Variants in KMT2C observed in about 807,000 individuals in gnomAD.
KMT2C encodes histone-lysine N-methyltransferase 2C.
A neutral mutation model predicts 507.9 loss-of-function variants in KMT2C; 88 were observed. The observed-to-expected ratio is 0.17, with a 90% confidence interval of 0.15 to 0.21. KMT2C has a LOEUF of 0.21. Among genes scored for constraint, KMT2C ranks in the 10% least tolerant of loss-of-function variants. The pLI, the probability that KMT2C is intolerant of heterozygous loss-of-function variation, is 1.00. For missense variants in KMT2C, 4,954 were observed against 5,957.8 expected (o/e 0.83, Z 5.55); for synonymous variants, 2,049 against 2,080.8 (o/e 0.98, Z 0.42).
chr7:152,250,876 G>T lies in KMT2C; in HGVS notation c.1712C>A (p.Ser571Tyr). Residue 571 changes from serine to tyrosine, a missense_variant, in exon 12 of 59, where the codon TCC becomes TAC. By Grantham distance (144) the Ser-to-Tyr change is moderately radical (BLOSUM62 -2). Around this residue, in one of 29 missense-constraint regions of KMT2C, gnomAD observed 376 missense variants for 352.4 expected, o/e 1.07. Transcript: ENST00000262189. ...AANKDVNGQE[S>Y]TPGIVPDAVQ... is the part of the protein sequence containing the mutation. The stretch of plus-strand genomic sequence containing the variant: ...ACCATCTGGAACAATTCCAGGAGTG[G>T]ACTCCTGACCGTTGACATCTTTATT... 2 of 1,592,736 alleles carry T rather than the reference G, an allele frequency of 1.3e-6. No individual in the cohort carries two copies. The highest frequency in any genetic ancestry group is 1.7e-6 in the Non-Finnish European group (2 of 1,160,670).
chr7:152,181,764 T>A lies in KMT2C; in HGVS notation c.6096A>T (p.Thr2032=), dbSNP rs2129120308. 6.2e-7 allele frequency: 1 copy of A among 1,614,086 alleles called. No homozygotes were observed. The highest frequency in any genetic ancestry group is 8.5e-7 in the Non-Finnish European group (1 of 1,179,998). The stretch of plus-strand genomic sequence containing the variant: ...CAGGACCACTATCAAGAGGTGCAGG[T>A]GTCAACAAGGGTCGTGCATATGAGT... ...IPDSYARPLL[T]PAPLDSGPGP... is the part of the protein sequence containing the mutation. Residue 2032 remains threonine, a synonymous_variant, in exon 36 of 59, where the codon ACA becomes ACT. Coordinates refer to ENST00000262189, the MANE Select transcript of KMT2C (RefSeq NM_170606.3).
In KMT2C at chr7:152,281,609, G is replaced by T. The variant is rs78385382; in HGVS notation, c.850-7742C>A. On this transcript the variant is annotated intron_variant, in intron 6 of 58. Coordinates refer to ENST00000262189, the MANE Select transcript of KMT2C (RefSeq NM_170606.3). ...TAGCTGGGCCTGGTGGCAGGCGCCT[G>T]TAATCCCAGCTACTTGGAAGGCTGA... Among the ~76,000 whole-genome samples, 7 of 149,750 alleles carry T rather than the reference G, an allele frequency of 4.7e-5. No homozygotes were observed. The East Asian group carries it at 6.0e-4, about 13-fold the overall frequency.
chr7:152,428,085 T>C (rs1322486585), intron 1 of KMT2C, among the ~76,000 whole-genome samples: 1 of 152,196 alleles, frequency 6.6e-6, no homozygotes, highest in South Asian at 2.1e-4. Flanking sequence ...TACATTCAAA[T>C]GCATAAATGC....
In KMT2C at chr7:152,275,340, C is replaced by G. The variant is rs28542168; in HGVS notation, c.850-1473G>C. Among the ~76,000 whole-genome samples, 1,220 of 152,190 alleles carry G rather than the reference C, an allele frequency of 8.0e-3. 20 individuals carry two copies. The highest frequency in any genetic ancestry group is 0.028 in the African/African-American group (1,178 of 41,522). On this transcript the variant is annotated intron_variant, in intron 6 of 58. Transcript: ENST00000262189. ...CGGGTGGATCACGAGGTCAGGAGAT[C>G]GAGACCATCCTGGCTAACACAGTGA... is the stretch of plus-strand genomic sequence containing the variant.
chr7:152,398,636 G>A (rs896651997), intron 1 of KMT2C, among the ~76,000 whole-genome samples: 8 of 151,960 alleles, frequency 5.3e-5, no homozygotes, highest in African/African-American at 1.9e-4. Flanking sequence ...CTGGCCTCAA[G>A]TGATCCTCCT....
chr7:152,158,546 C>CAAA (rs1367651044), intron 44 of KMT2C, among the ~76,000 whole-genome samples: 1 of 150,326 alleles, frequency 6.7e-6, no homozygotes, highest in Non-Finnish European at 1.5e-5. Flanking sequence ...GACACAGTCT[C>CAAA]ATTCTGTCAC....
At chr7:152,430,593 G>T (rs946755493) in intron 1 of KMT2C, among the ~76,000 whole-genome samples, 2 of 152,196 alleles carry the variant, frequency 1.3e-5, no homozygotes, top group Admixed American at 1.3e-4. Flanking sequence ...GTAGTGGTGT[G>T]ATGTCCGTTC....
chr7:152,139,886 G>A, intron 55 of KMT2C, 95 bp from the exon 56 acceptor site: 1 of 781,752 alleles, frequency 1.3e-6, no homozygotes, highest in South Asian at 1.9e-5. Flanking sequence ...CTTATTAGAA[G>A]CCATACTTAA....
intron 39 of KMT2C, among the ~76,000 whole-genome samples, chr7:152,172,140 T>A (rs909446780): frequency 2.0e-5 from 3 of 152,086 alleles, no homozygotes; most frequent in Admixed American, 6.5e-5. Flanking sequence ...TTTACTCAGG[T>A]TTTTCATTGA....
chr7:152,145,475 G>A (rs1381616394), intron 53 of KMT2C, among the ~76,000 whole-genome samples, 180 bp from the exon 54 acceptor site: 2 of 152,158 alleles, frequency 1.3e-5, no homozygotes, highest in Non-Finnish European at 2.9e-5. Context: ...TTAAATATGA[G>A]TATGCAAATT....
At chr7:152,191,562 C>G (rs546098128) in intron 31 of KMT2C, among the ~76,000 whole-genome samples, 3 of 152,148 alleles carry the variant, frequency 2.0e-5, no homozygotes, top group Non-Finnish European at 4.4e-5. Flanking sequence ...CAATTCTTCT[C>G]GTCCCAAATT....
intron 1 of KMT2C, among the ~76,000 whole-genome samples, chr7:152,433,838 C>CGAGTGTGCGCGTGCGTGT (rs2097888466): frequency 6.6e-6 from 1 of 152,260 alleles, no homozygotes; most frequent in South Asian, 2.1e-4. Flanking sequence ...AGGGTGTGTG[C>CGAGTGTGCGCGTGCGTGT]GAGTGTGCGC....
intron 39 of KMT2C, 151 bp from the exon 40 acceptor site, chr7:152,171,493 C>T: frequency 1.8e-6 from 1 of 548,466 alleles, no homozygotes; most frequent in South Asian, 2.7e-5. Context: ...CCCTACCTTT[C>T]ATGTACTGGG....
rs1320541198 is a variant in KMT2C at position 152,182,166 on chromosome 7, A to G, written c.5694T>C (p.Tyr1898=). The change falls in exon 36 of 59, where the codon TAT becomes TAC. Residue 1898 remains tyrosine, a synonymous_variant. Transcript: ENST00000262189. ...GTCGAGGGGTACCAACCATTTTTGC[A>G]TATGGATCCATTGGAGATGGTGGTC... ...NSRPPSPMDP[Y]AKMVGTPRPP... is the part of the protein sequence containing the mutation. 1 of 1,614,156 alleles carries G rather than the reference A, an allele frequency of 6.2e-7. No homozygotes were observed. Among genetic ancestry groups the G allele is most frequent in the Non-Finnish European group, 8.5e-7 (1 of 1,180,026 alleles).
rs1166963965 is a variant in KMT2C, at chr7:152,273,742, C to T, written c.975G>A (p.Leu325=). 9 of 1,614,140 alleles carry T rather than the reference C, an allele frequency of 5.6e-6. No individual in the cohort carries two copies. The South Asian group carries it at 6.6e-5, about 12-fold the overall frequency. ...CTTGGTCAATGTGTTCTGGACAAAG[C>T]AGGAAGATGTGACTGAAATCCTGAA... ...GTFQDFSHIF[L]LCPEHIDQAP... is the part of the protein sequence containing the mutation. The change falls in exon 7 of 59, where the codon CTG becomes CTA. Residue 325 remains leucine (L), a synonymous_variant. Coordinates refer to ENST00000262189, the MANE Select transcript of KMT2C (RefSeq NM_170606.3).
chr7:152,195,364 G>C (rs1295945661), intron 28 of KMT2C, among the ~76,000 whole-genome samples: 4 of 152,158 alleles, frequency 2.6e-5, no homozygotes, highest in Non-Finnish European at 4.4e-5. Flanking sequence ...GCTATACTAT[G>C]CTTTAGCCAC....
In KMT2C at chr7:152,181,906, G is replaced by C; in HGVS notation, c.5954C>G (p.Ser1985Cys). The C allele has an allele frequency of 1.2e-6, 2 of 1,614,208 alleles. No homozygotes were observed. The highest frequency in any genetic ancestry group is 8.5e-7 in the Non-Finnish European group (1 of 1,180,046). The stretch of plus-strand genomic sequence containing the variant: ...TTGTTCTGAAACTACAGGAGACCGG[G>C]ATAGGCCCAAGGATTTGGGAAATTG... ...TDQFPKSLGLSRSPVVSEQTA... is the reference protein window; with the variant it reads ...TDQFPKSLGLCRSPVVSEQTA... The change falls in exon 36 of 59, where the codon TCC (serine) becomes TGC (cysteine). Residue 1985 changes from serine to cysteine, a missense_variant. Transcript: ENST00000262189.
chr7:152,395,552 G>A (rs2097533129), intron 1 of KMT2C, among the ~76,000 whole-genome samples: 2 of 152,206 alleles, frequency 1.3e-5, no homozygotes, highest in South Asian at 4.2e-4. Flanking sequence ...CTGTCACTCA[G>A]GCTGGAGTGC....
At chr7:152,406,041 T>C (rs1212225978) in intron 1 of KMT2C, among the ~76,000 whole-genome samples, 4 of 149,406 alleles carry the variant, frequency 2.7e-5, no homozygotes, top group South Asian at 4.5e-4. Flanking sequence ...TTAGTTAAAA[T>C]AAAGAATGTA....
Sources: allele counts gnomAD v4.1 joint callset (sites outside exome capture counted in the v4.1 genomes callset), GRCh38; gene constraint gnomAD v4.1.1; regional missense constraint gnomAD v4.1.1; transcripts MANE v1.5; gene names NCBI Gene and HGNC (gene_info 2026-07-23, HGNC 2026-07-21).